BRINP1: variants seen among roughly 807,000 people sequenced by gnomAD.
The protein encoded by BRINP1 is BMP/retinoic acid inducible neural specific 1.
Under a neutral mutation model 72.9 loss-of-function variants are expected in BRINP1, and 17 were observed. The observed-to-expected ratio is 0.23, with a 90% CI of 0.16 to 0.35. The LOEUF (loss-of-function observed/expected upper bound fraction) is 0.35. BRINP1 is among the 10% of genes least tolerant of loss of function. The pLI is 1.00. For missense variants in BRINP1, 850 were observed against 1,001.6 expected (o/e 0.85, Z 2.04); for synonymous variants, 418 against 378.5 (o/e 1.10, Z -1.21).
chr9:119,347,837 G>C (rs957015228), intron 1 of BRINP1, among the ~76,000 whole-genome samples: 5 of 151,778 alleles, frequency 3.3e-5, no homozygotes, highest in Non-Finnish European at 7.4e-5. Context: ...GACACTTTTT[G>C]GTTCACAGCA....
At chr9:119,244,816 C>T (rs1159698217) in intron 3 of BRINP1, among the ~76,000 whole-genome samples, 1 of 152,222 alleles carries the variant, frequency 6.6e-6, no homozygotes, top group Non-Finnish European at 1.5e-5. Flanking sequence ...CTTCGCCCCA[C>T]ATAGGCCTTT....
chr9:119,287,654 C>G (rs1467794570), intron 2 of BRINP1, among the ~76,000 whole-genome samples: 1 of 152,200 alleles, frequency 6.6e-6, no homozygotes, highest in Non-Finnish European at 1.5e-5. Context: ...GCAAATGTAG[C>G]TACAACGCCA....
intron 4 of BRINP1, among the ~76,000 whole-genome samples, chr9:119,239,195 G>C (rs929546045): frequency 5.3e-5 from 8 of 152,218 alleles, no homozygotes; most frequent in Admixed American, 5.2e-4. Context: ...GAGGTTGTGA[G>C]ACCAGGTACG....
chr9:119,309,076 C>G (rs117809772), intron 2 of BRINP1, among the ~76,000 whole-genome samples: 178 of 152,210 alleles, frequency 1.2e-3, no homozygotes, highest in South Asian at 2.7e-3. Flanking sequence ...AAGAATAATT[C>G]CTAGTAAACA....
At chr9:119,358,610 C>T (rs1488429533) in intron 1 of BRINP1, among the ~76,000 whole-genome samples, 1 of 152,172 alleles carries the variant, frequency 6.6e-6, no homozygotes, top group East Asian at 1.9e-4. Flanking sequence ...AGGAGAATCA[C>T]TTGAATCCGG....
intron 1 of BRINP1, among the ~76,000 whole-genome samples, chr9:119,353,487 AGAGTG>A (rs1257273277): frequency 6.6e-6 from 1 of 152,222 alleles, no homozygotes; most frequent in Non-Finnish European, 1.5e-5. Flanking sequence ...CGCCAGTGTT[AGAGTG>A]AAACTCCAAC....
chr9:119,321,106 T>C (rs1424157791), intron 1 of BRINP1, among the ~76,000 whole-genome samples: 7 of 152,144 alleles, frequency 4.6e-5, no homozygotes, highest in South Asian at 2.1e-4. Context: ...AATTTTTTGG[T>C]ACTTTTAGTA....
At chr9:119,334,526 G>A (rs13299860) in intron 1 of BRINP1, among the ~76,000 whole-genome samples, 1 of 152,146 alleles carries the variant, frequency 6.6e-6, no homozygotes, top group Non-Finnish European at 1.5e-5. Flanking sequence ...ATAAACTAGA[G>A]CATGCCATCA....
At chr9:119,297,884 C>T (rs2118979297) in intron 2 of BRINP1, among the ~76,000 whole-genome samples, 1 of 152,276 alleles carries the variant, frequency 6.6e-6, no homozygotes, top group Middle Eastern at 3.4e-3. Flanking sequence ...GAACTTTGTT[C>T]TGTCTGCAGG....
intron 5 of BRINP1, among the ~76,000 whole-genome samples, chr9:119,237,843 G>A (rs1006411181): frequency 1.3e-5 from 2 of 151,564 alleles, no homozygotes; most frequent in African/African-American, 4.9e-5. Context: ...TGTATTTTTA[G>A]TAGAGACTGG....
chr9:119,303,141 T>A (rs1713070236), intron 2 of BRINP1, among the ~76,000 whole-genome samples: 1 of 152,100 alleles, frequency 6.6e-6, no homozygotes, highest in Non-Finnish European at 1.5e-5. Context: ...TAGAACTAGG[T>A]GAGCTGGGTG....
At chr9:119,247,455 A>T (rs902067979) in intron 3 of BRINP1, among the ~76,000 whole-genome samples, 2 of 151,962 alleles carry the variant, frequency 1.3e-5, no homozygotes, top group African/African-American at 4.8e-5. Flanking sequence ...GATCAAGACC[A>T]TCCTGTCAAC....
At chr9:119,187,640 A>G (rs547358527) in intron 7 of BRINP1, among the ~76,000 whole-genome samples, 16 of 152,308 alleles carry the variant, frequency 1.1e-4, no homozygotes, top group African/African-American at 3.8e-4. Context: ...AAACATAAGG[A>G]CACAAAGAAC....
intron 2 of BRINP1, among the ~76,000 whole-genome samples, chr9:119,263,892 G>A (rs956157462): frequency 3.3e-5 from 5 of 152,194 alleles, no homozygotes; most frequent in African/African-American, 1.2e-4. Context: ...ACAGGCGTGA[G>A]CCACAGCGCC....
chr9:119,219,782 A>T (rs1830020350), intron 5 of BRINP1, among the ~76,000 whole-genome samples: 1 of 152,152 alleles, frequency 6.6e-6, no homozygotes, highest in South Asian at 2.1e-4. Context: ...GGGAAAGAAC[A>T]ATGAACTCAG....
At chr9:119,323,648 G>A (rs1001116610) in intron 1 of BRINP1, among the ~76,000 whole-genome samples, 1 of 152,180 alleles carries the variant, frequency 6.6e-6, no homozygotes, top group Non-Finnish European at 1.5e-5. Context: ...AGTAAGAAAA[G>A]GTTAGCATTA....
chr9:119,275,133 C>T (rs992278982), intron 2 of BRINP1, among the ~76,000 whole-genome samples: 1 of 152,132 alleles, frequency 6.6e-6, no homozygotes, highest in Non-Finnish European at 1.5e-5. Context: ...CATTGAGTTA[C>T]TTGATTCCCA....
intron 4 of BRINP1, among the ~76,000 whole-genome samples, chr9:119,240,522 A>G (rs1299901756): frequency 1.3e-5 from 2 of 152,176 alleles, no homozygotes; most frequent in African/African-American, 4.8e-5. Flanking sequence ...CAATATCTCA[A>G]TTCCACATCC....
rs150414762 is a variant in BRINP1, at chr9:119,287,643, T to C, written c.218+25495A>G. Among the ~76,000 whole-genome samples, 8 of 152,308 alleles carry C rather than the reference T, an allele frequency of 5.3e-5. No individual in the cohort carries two copies. In the East Asian group the frequency reaches 1.5e-3, roughly 29 times the overall value. On this transcript the variant is annotated intron_variant, in intron 2 of 7. Coordinates refer to ENST00000265922, the MANE Select transcript of BRINP1 (RefSeq NM_014618.3). ...CAGGTTCATGGAAGTAACAGTCAAG[T>C]GCAAATGTAGCTACAACGCCATCTG...
Sources: allele counts gnomAD v4.1 joint callset (sites outside exome capture counted in the v4.1 genomes callset), GRCh38; gene constraint gnomAD v4.1.1; transcripts MANE v1.5; gene names NCBI Gene and HGNC (gene_info 2026-07-23, HGNC 2026-07-21).